CUBN: variants seen among roughly 807,000 people sequenced by gnomAD.
CUBN encodes the protein 460 kDa receptor.
In CUBN, 282 loss-of-function variants were observed where a neutral mutation model predicts 405.3. That is an observed-to-expected ratio of 0.70 (90% confidence interval 0.63 to 0.77). The LOEUF (loss-of-function observed/expected upper bound fraction) is 0.77. Ranked by LOEUF, CUBN falls within the 30% of genes least tolerant of loss-of-function variation. The pLI is 0.00. For synonymous variants in CUBN, 1,684 were observed against 1,617.0 expected, an observed-to-expected ratio of 1.04 and a Z score of -0.99; for missense variants, 4,514 against 4,475.2, an observed-to-expected ratio of 1.01 and a Z score of -0.25.
intron 54 of CUBN, among the ~76,000 whole-genome samples, chr10:16,891,549 G>C (rs567120238): frequency 1.3e-5 from 2 of 152,212 alleles, no homozygotes; most frequent in East Asian, 3.9e-4. Context: ...CAAGAAGATT[G>C]GTTTTTGGAA....
intron 58 of CUBN, among the ~76,000 whole-genome samples, chr10:16,871,149 TC>T (rs1840341206): frequency 6.6e-6 from 1 of 151,840 alleles, no homozygotes; most frequent in South Asian, 2.1e-4. Context: ...TGCCTCACCC[TC>T]CCGAGTAGCT....
intron 28 of CUBN, among the ~76,000 whole-genome samples, chr10:17,019,507 C>G (rs948931629): frequency 6.6e-6 from 1 of 152,192 alleles, no homozygotes; most frequent in Non-Finnish European, 1.5e-5. Flanking sequence ...CCCACCCCAA[C>G]TTGCAGTTAG....
At chr10:17,103,300 G>A in intron 12 of CUBN, 63 bp from the exon 13 acceptor site, 1 of 970,678 alleles carries the variant, frequency 1.0e-6, no homozygotes, top group Non-Finnish European at 1.7e-6. Flanking sequence ...TTGGGCAACT[G>A]TAACCCTGCT....
intron 31 of CUBN, among the ~76,000 whole-genome samples, chr10:16,956,813 T>G (rs1038931812): frequency 6.6e-6 from 1 of 152,282 alleles, no homozygotes; most frequent in Admixed American, 6.5e-5. Context: ...TAGAATAGCA[T>G]TTTTTCATTT....
chr10:17,060,824 G>A (rs753525496), intron 22 of CUBN, among the ~76,000 whole-genome samples: 5 of 152,112 alleles, frequency 3.3e-5, no homozygotes, highest in Non-Finnish European at 7.4e-5. Context: ...GCTGAGGCGG[G>A]GGGATCACCT....
At chr10:17,024,778 T>C (rs546962239) in intron 27 of CUBN, among the ~76,000 whole-genome samples, 122 of 152,200 alleles carry the variant, frequency 8.0e-4, no homozygotes, top group African/African-American at 2.9e-3. Flanking sequence ...AGAGCTGAGA[T>C]TACAAGTGCG....
At chr10:16,933,625 C>T (rs1842421576) in intron 39 of CUBN, among the ~76,000 whole-genome samples, 1 of 151,996 alleles carries the variant, frequency 6.6e-6, no homozygotes, top group Non-Finnish European at 1.5e-5. Context: ...TCCTGTGTTT[C>T]TCATGTTTCT....
Position 16,913,907 on chromosome 10 carries a change from C to T in CUBN, c.7437G>A (p.Glu2479=), listed in dbSNP as rs1484408639. 1 of 1,614,118 alleles carries T rather than the reference C, an allele frequency of 6.2e-7. No homozygotes were observed. Among genetic ancestry groups the T allele is most frequent in the African/African-American group, 1.3e-5 (1 of 75,034 alleles). The change falls in exon 48 of 67, where the codon GAG becomes GAA. Residue 2479 remains glutamate (E), a synonymous_variant. Transcript: ENST00000377833. The part of the protein sequence containing the change: ...PNPNPHGRIC[E]WRITAPEGRR... ...TTCCCTCCGGGGCAGTGATTCTCCACTCGCAGATCCGGCCATGAGGATTTG... is the reference window on the plus strand; with the variant it reads ...TTCCCTCCGGGGCAGTGATTCTCCATTCGCAGATCCGGCCATGAGGATTTG...
At chr10:17,119,510 A>C (rs1223490495) in intron 6 of CUBN, among the ~76,000 whole-genome samples, 1 of 152,144 alleles carries the variant, frequency 6.6e-6, no homozygotes, top group African/African-American at 2.4e-5. Flanking sequence ...AAATACAAAA[A>C]TTAGCCGGGT....
chr10:16,954,412 C>T lies in CUBN; in HGVS notation c.4832G>A (p.Gly1611Asp), dbSNP rs1340074070. Residue 1611 changes from glycine to aspartate, a missense_variant, in exon 32 of 67, where the codon GGC becomes GAC. Gly to Asp is a moderately conservative substitution (Grantham distance 94). This residue lies in a region of CUBN where 1,613 missense variants were observed against 1,542.8 expected (regional missense o/e 1.05). Coordinates refer to ENST00000377833, the MANE Select transcript of CUBN (RefSeq NM_001081.4). ...FQSGPSRQNR[G>D]FRAQFRQACG... is the part of the protein sequence containing the mutation. The stretch of plus-strand genomic sequence containing the variant: ...GCCTTGCCTGAATTGAGCTCGGAAG[C>T]CTCTGTTCTGTCTGGAAGGGCCAGA... 1 of 1,614,108 alleles carries T rather than the reference C, an allele frequency of 6.2e-7. No individual in the cohort carries two copies. Among genetic ancestry groups the T allele is most frequent in the Non-Finnish European group, 8.5e-7 (1 of 1,180,020 alleles).
chr10:16,958,238 T>C (rs1389867405), intron 31 of CUBN, among the ~76,000 whole-genome samples: 1 of 152,184 alleles, frequency 6.6e-6, no homozygotes, highest in Non-Finnish European at 1.5e-5. Context: ...CCTGAGGTCC[T>C]GGAATTACAA....
chr10:17,051,211 A>AC (rs1297530449), intron 22 of CUBN, among the ~76,000 whole-genome samples: 9 of 152,046 alleles, frequency 5.9e-5, no homozygotes, highest in African/African-American at 1.9e-4. Context: ...AATACAAAAA[A>AC]TTAGCTGGGT....
intron 36 of CUBN, among the ~76,000 whole-genome samples, chr10:16,943,517 T>G (rs1225357668): frequency 6.6e-6 from 1 of 152,224 alleles, no homozygotes; most frequent in Non-Finnish European, 1.5e-5. Context: ...CAGGCTCAAT[T>G]TTATTACTCA....
At chr10:17,121,709 T>A (rs149869386) in intron 6 of CUBN, among the ~76,000 whole-genome samples, 21 of 151,768 alleles carry the variant, frequency 1.4e-4, no homozygotes, top group African/African-American at 4.6e-4. Context: ...TAATAAAATT[T>A]AAAAAAAATA....
rs374059721 is a variant in CUBN at position 16,824,709 on chromosome 10, G to A, written c.*266C>T. 114 of 389,464 alleles carry A rather than the reference G, an allele frequency of 2.9e-4. 1 individual carries two copies. The East Asian group carries it at 6.2e-3, about 21-fold the overall frequency. The allele number at this position is 389,464 out of a possible 1,614,324, so 24.1% of individuals were successfully genotyped here. On this transcript the variant is annotated 3_prime_UTR_variant, in exon 67 of 67. Coordinates refer to ENST00000377833, the MANE Select transcript of CUBN (RefSeq NM_001081.4). ...CTAATTATTATATTGTTAGAGAGAT[G>A]AGGTTTCACCATGCTGGCCAGGCTA...
chr10:17,061,763 G>T (rs895504609), intron 22 of CUBN, among the ~76,000 whole-genome samples: 1 of 152,166 alleles, frequency 6.6e-6, no homozygotes, highest in African/African-American at 2.4e-5. Context: ...TTTTCGCTTT[G>T]CAGGAAATAT....
chr10:17,075,659 C>A, intron 17 of CUBN, among the ~76,000 whole-genome samples: 1 of 152,074 alleles, frequency 6.6e-6, no homozygotes, highest in Non-Finnish European at 1.5e-5. Context: ...AATGATTCAG[C>A]CATATGATAG....
chr10:17,020,018 A>C (rs1834448387), intron 27 of CUBN, 35 bp from the exon 28 acceptor site: 2 of 1,612,606 alleles, frequency 1.2e-6, no homozygotes, highest in South Asian at 1.1e-5. Flanking sequence ...ATATAAAAAC[A>C]CATGGTTTGT....
chr10:17,049,844 CA>C (rs1835223378), intron 22 of CUBN, among the ~76,000 whole-genome samples: 1 of 152,142 alleles, frequency 6.6e-6, no homozygotes, highest in Non-Finnish European at 1.5e-5. Flanking sequence ...AAATTTTATG[CA>C]AATAGCAATT....
Sources: gnomAD v4.1 joint callset for allele counts (sites outside exome capture counted in the v4.1 genomes callset) on GRCh38, gnomAD v4.1.1 for gene constraint, gnomAD v4.1.1 regional missense constraint, MANE v1.5 for transcripts, NCBI Gene and HGNC (gene_info 2026-07-23, HGNC 2026-07-21) for gene names.